Variants in FRMPD4 observed in about 807,000 individuals in gnomAD.
The protein encoded by FRMPD4 is FERM and PDZ domain containing 4.
Under a neutral mutation model 94.1 loss-of-function variants are expected in FRMPD4, and 22 were observed. The ratio of observed to expected loss-of-function variants is 0.23; its 90% confidence interval spans 0.17 to 0.33. The LOEUF is 0.33. Ranked by LOEUF, FRMPD4 falls within the 10% of genes least tolerant of loss-of-function variation. The pLI is 1.00. For missense variants in FRMPD4, 1,111 were observed against 1,339.9 expected, an observed-to-expected ratio of 0.83 and a Z score of 2.67; for synonymous variants, 631 against 548.6, an observed-to-expected ratio of 1.15 and a Z score of -2.10.
chrX:12,019,290 T>A (rs975465360), intron 3 of FRMPD4, among the ~76,000 whole-genome samples: 1 of 109,894 alleles, frequency 9.1e-6, no homozygotes, highest in Non-Finnish European at 1.9e-5. Context: ...CTCAGCCCCG[T>A]TGTCATTATC....
chrX:11,863,190 G>A (rs1449958699), intron 1 of FRMPD4, among the ~76,000 whole-genome samples: 1 of 104,475 alleles, frequency 9.6e-6, no homozygotes, highest in Non-Finnish European at 2.0e-5. Flanking sequence ...CCCCACAACA[G>A]GCCTCAGTGT....
At chrX:12,162,149 G>C (rs569179256) in intron 1 of FRMPD4, among the ~76,000 whole-genome samples, 1 of 112,525 alleles carries the variant, frequency 8.9e-6, no homozygotes, top group East Asian at 2.8e-4. Context: ...TGAATTGCAG[G>C]TAAAACTAGA....
chrX:12,329,614 A>G (rs1319157302), intron 1 of FRMPD4, among the ~76,000 whole-genome samples: 1 of 111,062 alleles, frequency 9.0e-6, no homozygotes. Context: ...ATCAGGAGTC[A>G]GAGAGACTTT....
intron 1 of FRMPD4, among the ~76,000 whole-genome samples, chrX:12,232,537 C>T (rs1436186753): frequency 2.7e-5 from 3 of 110,598 alleles, no homozygotes; most frequent in Non-Finnish European, 5.7e-5. Flanking sequence ...ATGGGAACTA[C>T]AATTCAAGAT....
chrX:12,232,203 A>G (rs2057018158), intron 1 of FRMPD4, among the ~76,000 whole-genome samples: 1 of 111,527 alleles, frequency 9.0e-6, no homozygotes, highest in African/African-American at 3.3e-5. Flanking sequence ...CCGATGCTTT[A>G]CTTAGTACTT....
chrX:12,567,293 C>T (rs1050859540), intron 2 of FRMPD4, among the ~76,000 whole-genome samples: 9 of 111,880 alleles, frequency 8.0e-5, no homozygotes, highest in Middle Eastern at 4.2e-3. Flanking sequence ...GTCCCAGAGC[C>T]ACTTGGATTT....
At chrX:12,084,788 C>T (rs193243112) in intron 3 of FRMPD4, among the ~76,000 whole-genome samples, 7 of 112,038 alleles carry the variant, frequency 6.2e-5, no homozygotes, top group African/African-American at 3.2e-5. Flanking sequence ...TACTTAAGAG[C>T]GAGATCCCCT....
At chrX:11,922,087 A>C (rs1185765831) in intron 3 of FRMPD4, among the ~76,000 whole-genome samples, 1 of 111,893 alleles carries the variant, frequency 8.9e-6, no homozygotes, top group African/African-American at 3.3e-5. Context: ...GTCCAAACTT[A>C]AATGCAGGGT....
chrX:12,189,748 T>C (rs2056467676), intron 1 of FRMPD4, among the ~76,000 whole-genome samples: 1 of 111,569 alleles, frequency 9.0e-6, no homozygotes, highest in Non-Finnish European at 1.9e-5. Context: ...CAGGACAGAA[T>C]GCACATAAAA....
At chrX:12,051,469 A>G (rs982555789) in intron 3 of FRMPD4, among the ~76,000 whole-genome samples, 1 of 111,785 alleles carries the variant, frequency 8.9e-6, no homozygotes, top group African/African-American at 3.2e-5. Context: ...TCAGGTACAA[A>G]GTGTAAAAAA....
At chrX:12,029,441 C>A (rs1293985157) in intron 3 of FRMPD4, among the ~76,000 whole-genome samples, 2 of 111,793 alleles carry the variant, frequency 1.8e-5, no homozygotes, top group African/African-American at 6.5e-5. Flanking sequence ...TTGACAGTGT[C>A]TTTTGCAGAG....
intron 1 of FRMPD4, among the ~76,000 whole-genome samples, chrX:12,228,871 C>A (rs1205016648): frequency 8.9e-6 from 1 of 111,733 alleles, no homozygotes; most frequent in East Asian, 2.8e-4. Flanking sequence ...GTCATTGTTG[C>A]CAGGTAAAAT....
At chrX:12,172,772 C>T (rs746474391) in intron 1 of FRMPD4, among the ~76,000 whole-genome samples, 1 of 112,300 alleles carries the variant, frequency 8.9e-6, no homozygotes, top group Non-Finnish European at 1.9e-5. Context: ...GGCCTCCTCT[C>T]TAGAAGCTAG....
chrX:12,167,757 A>G (rs772695991), intron 1 of FRMPD4, among the ~76,000 whole-genome samples: 1 of 112,085 alleles, frequency 8.9e-6, no homozygotes, highest in Non-Finnish European at 1.9e-5. Flanking sequence ...TCCAACAGCT[A>G]TTGGGATCAT....
intron 1 of FRMPD4, among the ~76,000 whole-genome samples, chrX:12,180,082 T>C: frequency 9.0e-6 from 1 of 111,255 alleles, no homozygotes; most frequent in South Asian, 3.8e-4. Flanking sequence ...CAAGAAAATA[T>C]TGCTTAGAGA....
intron 3 of FRMPD4, among the ~76,000 whole-genome samples, chrX:12,064,081 C>T (rs932318589): frequency 1.8e-5 from 2 of 111,985 alleles, no homozygotes; most frequent in Admixed American, 1.9e-4. Flanking sequence ...AAGCAATTGA[C>T]ACATTGGCAT....
At chrX:11,876,354 A>ATT (rs200664583) in intron 2 of FRMPD4, among the ~76,000 whole-genome samples, 29 of 98,001 alleles carry the variant, frequency 3.0e-4, no homozygotes, top group African/African-American at 9.6e-4. Flanking sequence ...TTTTTTCCTC[A>ATT]TTTTTTTTTT....
At chrX:12,266,544 A>G (rs1470462899) in intron 1 of FRMPD4, among the ~76,000 whole-genome samples, 1 of 111,692 alleles carries the variant, frequency 9.0e-6, no homozygotes. Context: ...GCCTCATTCT[A>G]TTGGTGAAAG....
At chrX:12,016,616 A>G (rs1257150540) in intron 3 of FRMPD4, among the ~76,000 whole-genome samples, 1 of 112,202 alleles carries the variant, frequency 8.9e-6, no homozygotes, top group Non-Finnish European at 1.9e-5. Context: ...GGAAAAAAAA[A>G]TTACATGGAG....
Sources: gnomAD v4.1 joint callset for allele counts (sites outside exome capture counted in the v4.1 genomes callset) on GRCh38, gnomAD v4.1.1 for gene constraint, MANE v1.5 for transcripts, NCBI Gene and HGNC (gene_info 2026-07-23, HGNC 2026-07-21) for gene names.